COP1: variants seen among roughly 807,000 people sequenced by gnomAD.
COP1 encodes the protein COP1 E3 ubiquitin ligase.
In COP1, 24 loss-of-function variants were observed where a neutral mutation model predicts 101.3. The observed-to-expected ratio is 0.24, with a 90% CI of 0.17 to 0.33. The LOEUF (loss-of-function observed/expected upper bound fraction) is 0.33. Among genes scored for constraint, COP1 ranks in the 10% least tolerant of loss-of-function variants. COP1 has a pLI of 1.00. For synonymous variants in COP1, 347 were observed against 341.9 expected (o/e 1.01, Z -0.17); for missense variants, 663 against 906.2 (o/e 0.73, Z 3.45).
At chr1:175,976,920 G>T (rs918299658) in intron 18 of COP1, among the ~76,000 whole-genome samples, 1 of 152,004 alleles carries the variant, frequency 6.6e-6, no homozygotes, top group African/African-American at 2.4e-5. Context: ...ATAAACTCTT[G>T]TATCTCCTAA....
chr1:176,196,503 T>G (rs1054493757), intron 1 of COP1, among the ~76,000 whole-genome samples: 1 of 152,100 alleles, frequency 6.6e-6, no homozygotes, highest in Non-Finnish European at 1.5e-5. Context: ...AACACGGGTG[T>G]AATGGAGAAA....
At chr1:176,130,108 C>G (rs1363609477) in intron 8 of COP1, among the ~76,000 whole-genome samples, 3 of 151,662 alleles carry the variant, frequency 2.0e-5, no homozygotes, top group African/African-American at 7.3e-5. Context: ...CAGAGATAAT[C>G]AAACCTGGTC....
At chr1:176,193,421 T>C (rs567909737) in intron 1 of COP1, among the ~76,000 whole-genome samples, 1 of 151,718 alleles carries the variant, frequency 6.6e-6, no homozygotes, top group African/African-American at 2.4e-5. Flanking sequence ...TGTGAGTAAA[T>C]GCCCCAGAGA....
chr1:176,154,892 T>G (rs1362301446), intron 5 of COP1, among the ~76,000 whole-genome samples: 2 of 152,216 alleles, frequency 1.3e-5, no homozygotes, highest in Admixed American at 6.5e-5. Context: ...TACTTTCTTC[T>G]GCATTAGCTG....
rs184953974 is a variant in COP1 at position 175,983,800 on chromosome 1, C to T, written c.2133+3143G>A. Among the ~76,000 whole-genome samples the T allele has an allele frequency of 1.1e-4, 16 of 152,246 alleles. No individual in the cohort carries two copies. In the East Asian group the frequency reaches 2.9e-3, roughly 28 times the overall value. On this transcript the variant is annotated intron_variant, in intron 18 of 19. Transcript: ENST00000367669. ...ATGAGGAACTTGCTGGGAAATAGAG[C>T]AAAGAAGACTCTTGTTATGTTTTAG...
At chr1:176,156,185 T>C (rs1693421145) in intron 5 of COP1, among the ~76,000 whole-genome samples, 1 of 152,144 alleles carries the variant, frequency 6.6e-6, no homozygotes, top group Non-Finnish European at 1.5e-5. Flanking sequence ...TGGTATACCA[T>C]ATATTCAAGA....
intron 15 of COP1, among the ~76,000 whole-genome samples, chr1:176,016,345 T>G (rs1665640600): frequency 6.6e-6 from 1 of 152,124 alleles, no homozygotes; most frequent in Admixed American, 6.5e-5. Flanking sequence ...CAGAGGGTGT[T>G]GTTTTAGAAT....
intron 5 of COP1, among the ~76,000 whole-genome samples, chr1:176,151,952 A>ATTT (rs34038117): frequency 2.1e-5 from 3 of 140,260 alleles, no homozygotes; most frequent in African/African-American, 5.3e-5. Context: ...TTTTGAGGGC[A>ATTT]TTTTTTTTTT....
chr1:176,008,642 T>C (rs1664023216), intron 15 of COP1, among the ~76,000 whole-genome samples: 1 of 152,180 alleles, frequency 6.6e-6, no homozygotes, highest in African/African-American at 2.4e-5. Flanking sequence ...TATACCTTTT[T>C]TTACTGAAAA....
In COP1 at chr1:176,046,298, T is replaced by C; in HGVS notation, c.1304A>G (p.Tyr435Cys). The part of the protein sequence containing the change: ...SSIEFDRDCD[Y>C]FAIAGVTKKI... ...CTTTGTAACTCCAGCAATCGCAAAA[T>C]AGTCACAATCCCGGTCAAATTCAAT... The change falls in exon 12 of 20, where the codon TAT becomes TGT. Residue 435 changes from tyrosine (Y) to cysteine (C), a missense_variant. Coordinates refer to ENST00000367669, the MANE Select transcript of COP1 (RefSeq NM_022457.7). The C allele has an allele frequency of 1.9e-6, 3 of 1,610,070 alleles. No individual in the cohort carries two copies. The highest frequency in any genetic ancestry group is 2.5e-6 in the Non-Finnish European group (3 of 1,178,722).
chr1:176,089,646 A>C (rs2481641), intron 9 of COP1, among the ~76,000 whole-genome samples: 103,737 of 151,948 alleles, frequency 0.68, 36,858 homozygotes, highest in East Asian at 0.92. Context: ...GTCATATTTT[A>C]AAGCACTGCT....
At chr1:176,118,646 C>G (rs1686601690) in intron 8 of COP1, among the ~76,000 whole-genome samples, 1 of 152,102 alleles carries the variant, frequency 6.6e-6, no homozygotes, top group South Asian at 2.1e-4. Context: ...GTTCCAGCTA[C>G]TCAGGAGGGT....
chr1:176,040,112 T>C (rs188391641), intron 14 of COP1, among the ~76,000 whole-genome samples: 54 of 152,286 alleles, frequency 3.5e-4, no homozygotes, highest in African/African-American at 1.3e-3. Flanking sequence ...TTCTTCAAAA[T>C]GAAAACAATT....
At chr1:176,111,692 C>T (rs371055708) in intron 9 of COP1, among the ~76,000 whole-genome samples, 8 of 152,062 alleles carry the variant, frequency 5.3e-5, no homozygotes, top group Middle Eastern at 6.8e-3. Flanking sequence ...TTTATTTATA[C>T]GAAAAAAACT....
intron 1 of COP1, among the ~76,000 whole-genome samples, chr1:176,188,892 T>C (rs1354383810): frequency 6.6e-6 from 1 of 151,796 alleles, no homozygotes; most frequent in East Asian, 1.9e-4. Context: ...AGTTGTGACA[T>C]ATGTGAAATG....
chr1:176,101,670 G>C (rs1310455994), intron 9 of COP1, among the ~76,000 whole-genome samples: 2 of 152,120 alleles, frequency 1.3e-5, no homozygotes, highest in East Asian at 1.9e-4. Flanking sequence ...AAAAGGTCTC[G>C]AGATTTTTTA....
intron 8 of COP1, among the ~76,000 whole-genome samples, chr1:176,120,700 A>G (rs1377929858): frequency 6.6e-6 from 1 of 152,180 alleles, no homozygotes; most frequent in Non-Finnish European, 1.5e-5. Flanking sequence ...AAAAGCAAAG[A>G]CGTATTTCCT....
chr1:176,100,077 C>T (rs886280659), intron 9 of COP1, among the ~76,000 whole-genome samples: 3 of 152,148 alleles, frequency 2.0e-5, no homozygotes, highest in African/African-American at 7.2e-5. Flanking sequence ...TCAATCCTAT[C>T]ATGATTTGTT....
At chr1:176,095,870 ATC>A (rs1682262358) in intron 9 of COP1, among the ~76,000 whole-genome samples, 1 of 152,156 alleles carries the variant, frequency 6.6e-6, no homozygotes, top group African/African-American at 2.4e-5. Context: ...ACATATAAAA[ATC>A]TGTTAAGAAT....
Sources: gnomAD v4.1 joint callset for allele counts (sites outside exome capture counted in the v4.1 genomes callset) on GRCh38, gnomAD v4.1.1 for gene constraint, MANE v1.5 for transcripts, NCBI Gene and HGNC (gene_info 2026-07-23, HGNC 2026-07-21) for gene names.